Variants in ACYP2 observed in about 807,000 individuals in gnomAD.
ACYP2 encodes acylphosphatase 2, also known as acylphosphatase-2.
Under a neutral mutation model 11.2 loss-of-function variants are expected in ACYP2, and 12 were observed. The observed-to-expected ratio is 1.08, with a 90% CI of 0.69 to 1.74. ACYP2 has a LOEUF of 1.74. Ranked by LOEUF, ACYP2 falls within the 40% of genes most tolerant of loss-of-function variation. The pLI is 0.00. For missense variants in ACYP2, 134 were observed against 101.9 expected (o/e 1.31, Z -1.35); for synonymous variants, 43 against 32.2 (o/e 1.33, Z -1.13).
chr2:54,054,326 A>G lies in ACYP2; in HGVS notation c.156-2913A>G, dbSNP rs538205178. ...TTTCTAGATTAGGTATAATGTGCTAATAATGTAAAAAAGGTTCTTCTTTTG... is the reference window on the plus strand; with the variant it reads ...TTTCTAGATTAGGTATAATGTGCTAGTAATGTAAAAAAGGTTCTTCTTTTG... On this transcript the variant is annotated intron_variant, in intron 3 of 6. Coordinates refer to ENST00000607452, the MANE Select transcript of ACYP2 (RefSeq NM_001320586.2). Among the ~76,000 whole-genome samples the G allele has an allele frequency of 2.0e-5, 3 of 152,382 alleles. No individual in the cohort carries two copies. In the East Asian group the frequency reaches 5.8e-4, roughly 29 times the overall value.
chr2:53,979,924 T>G (rs568120854), intron 2 of ACYP2, among the ~76,000 whole-genome samples: 8 of 152,160 alleles, frequency 5.3e-5, no homozygotes, highest in African/African-American at 1.9e-4. Context: ...GCTTCTGACC[T>G]CAAGTGATCC....
intron 2 of ACYP2, among the ~76,000 whole-genome samples, chr2:54,012,107 G>GT (rs1234208276): frequency 6.6e-6 from 1 of 151,628 alleles, no homozygotes; most frequent in African/African-American, 2.4e-5. Flanking sequence ...GTGGTGGCGT[G>GT]TGCCTGTAGT....
chr2:54,249,818 C>A (rs1427888961), intron 6 of ACYP2, among the ~76,000 whole-genome samples: 2 of 151,662 alleles, frequency 1.3e-5, no homozygotes, highest in African/African-American at 4.8e-5. Flanking sequence ...GTGGCATGTG[C>A]CTGTAGTCCC....
intron 6 of ACYP2, among the ~76,000 whole-genome samples, chr2:54,252,328 C>G (rs1433521786): frequency 6.6e-6 from 1 of 152,076 alleles, no homozygotes; most frequent in Non-Finnish European, 1.5e-5. Flanking sequence ...ATTAGGGCAG[C>G]TCCCAGTGTC....
intron 2 of ACYP2, among the ~76,000 whole-genome samples, chr2:54,035,265 CTTTTTTT>C (rs895749612): frequency 5.6e-5 from 7 of 126,032 alleles, no homozygotes; most frequent in Non-Finnish European, 1.2e-4. Context: ...TTTTCTTTTT[CTTTTTTT>C]TTTTTTTTTT....
intron 4 of ACYP2, among the ~76,000 whole-genome samples, chr2:54,089,452 A>G (rs1678107980): frequency 6.6e-6 from 1 of 152,126 alleles, no homozygotes; most frequent in Non-Finnish European, 1.5e-5. Context: ...TTCAACATAC[A>G]AATTGTATTT....
chr2:54,245,227 G>A (rs1040352886), intron 6 of ACYP2, among the ~76,000 whole-genome samples: 1 of 152,024 alleles, frequency 6.6e-6, no homozygotes, highest in African/African-American at 2.4e-5. Flanking sequence ...CTTTTTTATG[G>A]CTGAATTGTG....
intron 4 of ACYP2, among the ~76,000 whole-genome samples, chr2:54,088,312 A>G (rs1056777868): frequency 2.0e-4 from 30 of 152,180 alleles, no homozygotes; most frequent in African/African-American, 7.2e-4. Context: ...AGAGGAGTGG[A>G]GGGACCTCAG....
intron 6 of ACYP2, among the ~76,000 whole-genome samples, chr2:54,291,100 G>A (rs955151807): frequency 6.6e-6 from 1 of 152,170 alleles, no homozygotes; most frequent in Non-Finnish European, 1.5e-5. Context: ...CTTCACTGAA[G>A]CTGAGCTTGC....
rs35145998 is a variant in ACYP2 at position 54,182,047 on chromosome 2, A to ATTTTTTTTTT, written c.404+43316_404+43325dup. ...AAAGAAAACAGAAAAATAGAAGATA[A>ATTTTTTTTTT]TTTTTTTTTTTTTTTTTTTTTTTTT... On this transcript the variant is annotated intron_variant, in intron 6 of 6. Transcript: ENST00000607452. 7.2e-5 allele frequency among the ~76,000 whole-genome samples: 6 copies of ATTTTTTTTTT among 83,066 alleles called. 1 individual carries two copies. The highest frequency in any genetic ancestry group is 2.6e-4 in the African/African-American group (5 of 19,362). 54.5% of individuals were successfully genotyped at this position (83,066 alleles called of 152,430 possible).
chr2:53,984,304 G>A (rs934962023), intron 2 of ACYP2, among the ~76,000 whole-genome samples: 2 of 152,128 alleles, frequency 1.3e-5, no homozygotes, highest in Admixed American at 1.3e-4. Context: ...CTGGCCAGGC[G>A]AGGCAGCTTA....
At chr2:54,231,048 C>A (rs1686215167) in intron 6 of ACYP2, among the ~76,000 whole-genome samples, 1 of 152,162 alleles carries the variant, frequency 6.6e-6, no homozygotes, top group East Asian at 1.9e-4. Flanking sequence ...CCAGGCTGGT[C>A]TTAAACTCCT....
chr2:54,024,595 A>C (rs1322813953), intron 2 of ACYP2, among the ~76,000 whole-genome samples: 1 of 152,242 alleles, frequency 6.6e-6, no homozygotes, highest in East Asian at 1.9e-4. Context: ...TCTTAAGGTA[A>C]TAAAAGCCAT....
Position 54,290,281 on chromosome 2 carries a change from C to A in ACYP2, c.405-14407C>A, listed in dbSNP as rs185189202. ...GCCACAGAGACTGGTGCCTTGAAGA[C>A]GTGGTTTTTATAACCATAGAACGTT... On this transcript the variant is annotated intron_variant, in intron 6 of 6. Transcript: ENST00000607452. Among the ~76,000 whole-genome samples the A allele has an allele frequency of 3.5e-4, 53 of 152,130 alleles. 1 individual carries two copies. The East Asian group carries it at 9.8e-3, about 28-fold the overall frequency.
intron 4 of ACYP2, among the ~76,000 whole-genome samples, chr2:54,113,228 CA>C (rs1046010436): frequency 6.0e-5 from 9 of 149,308 alleles, no homozygotes; most frequent in African/African-American, 2.0e-4. Context: ...TGCATGAGTT[CA>C]GTAGAGATGA....
intron 2 of ACYP2, among the ~76,000 whole-genome samples, chr2:54,036,913 A>T (rs1674930736): frequency 6.6e-6 from 1 of 152,116 alleles, no homozygotes; most frequent in Non-Finnish European, 1.5e-5. Flanking sequence ...TCCCTGGATG[A>T]TGCCTTGACT....
At chr2:54,256,011 G>T in intron 6 of ACYP2, 2 of 1,614,128 alleles carry the variant, frequency 1.2e-6, no homozygotes, top group Non-Finnish European at 1.7e-6. Flanking sequence ...GTGGGAACAC[G>T]ATTGGCTCCA....
chr2:54,184,327 G>A (rs1002450993), intron 6 of ACYP2, among the ~76,000 whole-genome samples: 2 of 152,050 alleles, frequency 1.3e-5, no homozygotes, highest in African/African-American at 4.8e-5. Flanking sequence ...CGCCACATTC[G>A]GAGTGACAGA....
chr2:54,091,114 C>G (rs142161943), intron 4 of ACYP2, among the ~76,000 whole-genome samples: 1 of 152,154 alleles, frequency 6.6e-6, no homozygotes, highest in African/African-American at 2.4e-5. Context: ...ATTAAAAGGA[C>G]AAAAGGGGTT....
Sources: allele counts gnomAD v4.1 joint callset (sites outside exome capture counted in the v4.1 genomes callset), GRCh38; gene constraint gnomAD v4.1.1; transcripts MANE v1.5; gene names NCBI Gene and HGNC (gene_info 2026-07-23, HGNC 2026-07-21).